Variants in HNF1B observed in about 807,000 individuals in gnomAD.
HNF1B encodes the protein HNF1 homeobox B.
Under a neutral mutation model 61.7 loss-of-function variants are expected in HNF1B, and 8 were observed. That is an observed-to-expected ratio of 0.13 (90% confidence interval 0.08 to 0.23). The LOEUF is 0.23. Among genes scored for constraint, HNF1B ranks in the 10% least tolerant of loss-of-function variants. HNF1B has a pLI of 1.00. For synonymous variants in HNF1B, 314 were observed against 287.7 expected (o/e 1.09, Z -0.93); for missense variants, 562 against 714.5 (o/e 0.79, Z 2.43).
chr17:37,712,654 G>A (rs1371667743), intron 4 of HNF1B, among the ~76,000 whole-genome samples: 1 of 152,196 alleles, frequency 6.6e-6, no homozygotes, highest in Non-Finnish European at 1.5e-5. Flanking sequence ...GGACTCTGCA[G>A]CGAAACCAAC....
At chr17:37,687,799 C>T (rs894435444) in intron 8 of HNF1B, among the ~76,000 whole-genome samples, 2 of 152,118 alleles carry the variant, frequency 1.3e-5, no homozygotes, top group Non-Finnish European at 2.9e-5. Context: ...AGAGCAGAGG[C>T]CTCCTATACT....
At chr17:37,735,633 C>T (rs1426817887) in intron 2 of HNF1B, among the ~76,000 whole-genome samples, 2 of 152,194 alleles carry the variant, frequency 1.3e-5, no homozygotes, top group East Asian at 1.9e-4. Context: ...GCTTAATTCC[C>T]TCATCATTTA....
chr17:37,744,919 T>TGGGGGG lies in HNF1B; in HGVS notation c.-36_-35insCCCCCC. The stretch of plus-strand genomic sequence containing the variant: ...ACGGAAAAAGAAGGGGGTGAGGGGG[T>TGGGGGG]GGGTGGGTGCGAGAGAGGAGGGTGG... On this transcript the variant is annotated 5_prime_UTR_variant, in exon 1 of 9. Transcript: ENST00000617811. The TGGGGGG allele has an allele frequency of 2.6e-6, 1 of 378,230 alleles. No individual in the cohort carries two copies. Among genetic ancestry groups the TGGGGGG allele is most frequent in the Non-Finnish European group, 5.1e-6 (1 of 197,284 alleles). 23.4% of individuals were successfully genotyped at this position (378,230 alleles called of 1,614,324 possible).
At chr17:37,709,496 T>C (rs1341334976) in intron 5 of HNF1B, among the ~76,000 whole-genome samples, 1 of 152,058 alleles carries the variant, frequency 6.6e-6, no homozygotes. Flanking sequence ...CCTCAAGTGA[T>C]CCACCTGCCT....
intron 4 of HNF1B, among the ~76,000 whole-genome samples, chr17:37,712,901 C>T (rs939410183): frequency 2.6e-5 from 4 of 152,100 alleles, no homozygotes; most frequent in African/African-American, 9.7e-5. Context: ...AGATATTTGC[C>T]CTAAGATCCT....
At chr17:37,720,681 A>ACCATGTG (rs1385842997) in intron 4 of HNF1B, 21 of 527,936 alleles carry the variant, frequency 4.0e-5, no homozygotes, top group Non-Finnish European at 5.1e-5. Context: ...TGGAGTGTCT[A>ACCATGTG]CCATGTGCCA....
intron 8 of HNF1B, among the ~76,000 whole-genome samples, chr17:37,697,713 G>A (rs535547004): frequency 3.9e-5 from 6 of 152,238 alleles, no homozygotes; most frequent in East Asian, 3.9e-4. Flanking sequence ...GTGGGAACTC[G>A]CACGGGAGTC....
chr17:37,727,573 G>A (rs946006298), intron 4 of HNF1B, among the ~76,000 whole-genome samples: 1 of 152,194 alleles, frequency 6.6e-6, no homozygotes, highest in African/African-American at 2.4e-5. Flanking sequence ...GTAAAGCCAA[G>A]GAGGGGCAAC....
Position 37,722,737 on chromosome 17 carries a change from G to T in HNF1B, c.1045+8858C>A, listed in dbSNP as rs530304698. 2.0e-5 allele frequency among the ~76,000 whole-genome samples: 3 copies of T among 152,264 alleles called. No individual in the cohort carries two copies. The East Asian group carries it at 5.8e-4, about 29-fold the overall frequency. On this transcript the variant is annotated intron_variant, in intron 4 of 8. Coordinates refer to ENST00000617811, the MANE Select transcript of HNF1B (RefSeq NM_000458.4). Reference sequence around the variant, plus strand: ...GCTGAACTCACGCAAGTGTGCTATTGCGGAGGCTGCTGAAGTTGGAGCATA... The same window carrying T: ...GCTGAACTCACGCAAGTGTGCTATTTCGGAGGCTGCTGAAGTTGGAGCATA...
At position 37,742,787 on chromosome 17, in the gene HNF1B, C is replaced by G. The variant is rs2034035420; in HGVS notation, c.344+1754G>C. ...GGGTGTCGGCGACCCGGGGGCTCCG[C>G]GGGCGGCTCGGGCGCTCACAGAGCC... On this transcript the variant is annotated intron_variant, in intron 1 of 8. Transcript: ENST00000617811. Among the ~76,000 whole-genome samples, 2 of 151,136 alleles carry G rather than the reference C, an allele frequency of 1.3e-5. 1 individual carries two copies. The highest frequency in any genetic ancestry group is 1.3e-4 in the Admixed American group (2 of 15,204).
At chr17:37,734,876 C>T (rs894506324) in intron 2 of HNF1B, among the ~76,000 whole-genome samples, 6 of 149,382 alleles carry the variant, frequency 4.0e-5, no homozygotes, top group African/African-American at 1.5e-4. Flanking sequence ...ACAATCTCCG[C>T]CTCCCGGGTT....
At chr17:37,734,089 T>C (rs1004856329) in intron 2 of HNF1B, among the ~76,000 whole-genome samples, 2 of 152,182 alleles carry the variant, frequency 1.3e-5, no homozygotes, top group African/African-American at 4.8e-5. Flanking sequence ...AAAATTATTA[T>C]TTTTTCCCCT....
At chr17:37,737,457 G>A (rs1402627794) in intron 2 of HNF1B, among the ~76,000 whole-genome samples, 1 of 152,152 alleles carries the variant, frequency 6.6e-6, no homozygotes, top group African/African-American at 2.4e-5. Context: ...GTAGTGTTTG[G>A]CACATAGTAG....
Position 37,687,144 on chromosome 17 carries a change from C to T in HNF1B, c.*228G>A, listed in dbSNP as rs988169685. On this transcript the variant is annotated 3_prime_UTR_variant, in exon 9 of 9. Coordinates refer to ENST00000617811, the MANE Select transcript of HNF1B (RefSeq NM_000458.4). ...CAGGACAGACAGGAGTCCTTGACAT[C>T]GTGGGAGAGGCATTGTGGCAATACT... 8.8e-6 allele frequency: 6 copies of T among 678,642 alleles called. No individual in the cohort carries two copies. The highest frequency in any genetic ancestry group is 1.7e-5 in the South Asian group (1 of 59,054). 42.0% of individuals were successfully genotyped at this position (678,642 alleles called of 1,614,324 possible).
intron 4 of HNF1B, among the ~76,000 whole-genome samples, chr17:37,719,622 G>A (rs545717940): frequency 6.6e-6 from 1 of 152,232 alleles, no homozygotes; most frequent in Non-Finnish European, 1.5e-5. Flanking sequence ...TAATATGGCT[G>A]CAACAAAGGC....
At chr17:37,695,282 G>A (rs2032346748) in intron 8 of HNF1B, among the ~76,000 whole-genome samples, 1 of 152,204 alleles carries the variant, frequency 6.6e-6, no homozygotes. Context: ...AGCTTTGGTG[G>A]GTTTCATGTG....
intron 8 of HNF1B, among the ~76,000 whole-genome samples, chr17:37,695,369 T>C (rs1225268970): frequency 6.6e-6 from 1 of 152,142 alleles, no homozygotes; most frequent in Non-Finnish European, 1.5e-5. Context: ...AAAGGCTTTA[T>C]CAGAAAGCCT....
Position 37,711,276 on chromosome 17 carries a change from C to G in HNF1B, c.1046-613G>C, listed in dbSNP as rs139301615. On this transcript the variant is annotated intron_variant, in intron 4 of 8. Coordinates refer to ENST00000617811, the MANE Select transcript of HNF1B (RefSeq NM_000458.4). ...GAGCAGGACAGGGATGAAGCTGCGT[C>G]TAGGAGCTAGGCTGTAGAACTCACA... Among the ~76,000 whole-genome samples the G allele has an allele frequency of 8.3e-3, 1,263 of 152,316 alleles. 8 individuals are homozygous for G. Among genetic ancestry groups the G allele is most frequent in the Non-Finnish European group, 0.012 (803 of 68,036 alleles).
intron 4 of HNF1B, among the ~76,000 whole-genome samples, chr17:37,723,194 A>G (rs552343328): frequency 4.6e-5 from 7 of 151,940 alleles, no homozygotes; most frequent in Admixed American, 3.3e-4. Flanking sequence ...AAAAATACAA[A>G]AAATTAGCCG....
Sources: allele counts gnomAD v4.1 joint callset (sites outside exome capture counted in the v4.1 genomes callset), GRCh38; gene constraint gnomAD v4.1.1; transcripts MANE v1.5; gene names NCBI Gene and HGNC (gene_info 2026-07-23, HGNC 2026-07-21).